Variants in PDE10A observed in about 807,000 individuals in gnomAD.
The protein encoded by PDE10A is phosphodiesterase 10A.
PDE10A carries 39 observed loss-of-function variants against 97.7 expected under a neutral mutation model. The ratio of observed to expected loss-of-function variants is 0.40; its 90% CI spans 0.31 to 0.52. The LOEUF is 0.52. PDE10A is among the 20% of genes least tolerant of loss of function. The pLI is 0.56. For synonymous variants in PDE10A, 371 were observed against 376.8 expected, an observed-to-expected ratio of 0.98 and a Z score of 0.18; for missense variants, 731 against 1,047.8, an observed-to-expected ratio of 0.70 and a Z score of 4.17.
At chr6:165,882,348 A>G (rs1188461662) in intron 1 of PDE10A, among the ~76,000 whole-genome samples, 1 of 152,228 alleles carries the variant, frequency 6.6e-6, no homozygotes, top group Non-Finnish European at 1.5e-5. Flanking sequence ...CTAGCACATC[A>G]TAGCATGATA....
intron 1 of PDE10A, among the ~76,000 whole-genome samples, chr6:165,555,570 G>T (rs1425292694): frequency 6.6e-6 from 1 of 152,108 alleles, no homozygotes; most frequent in Non-Finnish European, 1.5e-5. Context: ...AAAAGACCAT[G>T]CTACTGTTTT....
chr6:165,611,689 T>C (rs773730520), intron 1 of PDE10A, among the ~76,000 whole-genome samples: 26 of 152,332 alleles, frequency 1.7e-4, no homozygotes, highest in African/African-American at 3.1e-4. Context: ...TCAAAACACA[T>C]AGGAAAATCC....
chr6:165,417,898 T>C (rs1486967820), intron 11 of PDE10A, among the ~76,000 whole-genome samples: 1 of 152,188 alleles, frequency 6.6e-6, no homozygotes, highest in African/African-American at 2.4e-5. Flanking sequence ...TTTACGGTGT[T>C]ATACAGAAGA....
chr6:165,548,276 CTTTTTTTTTTTT>C (rs57134252), intron 1 of PDE10A, among the ~76,000 whole-genome samples: 1 of 105,664 alleles, frequency 9.5e-6, no homozygotes, highest in Non-Finnish European at 1.9e-5. Flanking sequence ...CTTTAAATCT[CTTTTTTTTTTTT>C]TTTTTTTTTT....
intron 1 of PDE10A, among the ~76,000 whole-genome samples, chr6:165,603,873 A>G (rs1295655835): frequency 6.6e-6 from 1 of 152,250 alleles, no homozygotes; most frequent in Admixed American, 6.5e-5. Flanking sequence ...ATATGCAACA[A>G]CTGAATACCC....
At chr6:165,640,779 T>C (rs1395462717) in intron 1 of PDE10A, among the ~76,000 whole-genome samples, 1 of 152,234 alleles carries the variant, frequency 6.6e-6, no homozygotes, top group Non-Finnish European at 1.5e-5. Context: ...TATAAATTTG[T>C]TTATAAAATT....
intron 1 of PDE10A, among the ~76,000 whole-genome samples, chr6:165,642,913 T>G (rs1789207570): frequency 6.6e-6 from 1 of 152,354 alleles, no homozygotes; most frequent in Non-Finnish European, 1.5e-5. Context: ...CTCACATTTT[T>G]TTTTTTACGG....
At chr6:165,450,513 C>T (rs745444433) in intron 3 of PDE10A, 151 bp from the exon 4 acceptor site, 10 of 396,788 alleles carry the variant, frequency 2.5e-5, no homozygotes, top group Admixed American at 8.7e-5. Flanking sequence ...ATATTATAAT[C>T]TATTTTATAA....
chr6:165,566,075 A>G (rs1008688488), intron 1 of PDE10A, among the ~76,000 whole-genome samples: 2 of 152,354 alleles, frequency 1.3e-5, no homozygotes, highest in East Asian at 3.9e-4. Context: ...GAAAGAATTG[A>G]TAAGTTGTAC....
At chr6:165,691,106 T>TCCCCCCCCCCCC (rs35264122) in intron 1 of PDE10A, among the ~76,000 whole-genome samples, 2 of 39,130 alleles carry the variant, frequency 5.1e-5, no homozygotes, top group Non-Finnish European at 9.1e-5. Context: ...TCTTTCTCTC[T>TCCCCCCCCCCCC]CCCCCCCCCC....
intron 1 of PDE10A, among the ~76,000 whole-genome samples, chr6:165,831,478 C>CTTTTTTTTTTT (rs200237321): frequency 0.024 from 3,274 of 133,658 alleles, 81 homozygotes; most frequent in Non-Finnish European, 0.036. Flanking sequence ...TTGCAGGAGT[C>CTTTTTTTTTTT]TTTTTTTTTT....
At chr6:165,348,738 G>A (rs1428784435) in intron 18 of PDE10A, among the ~76,000 whole-genome samples, 1 of 152,152 alleles carries the variant, frequency 6.6e-6, no homozygotes, top group Non-Finnish European at 1.5e-5. Context: ...TCCACATGTT[G>A]TGGGAGAGAT....
intron 1 of PDE10A, among the ~76,000 whole-genome samples, chr6:165,608,276 A>G (rs1287771277): frequency 2.6e-5 from 2 of 76,138 alleles, no homozygotes; most frequent in Non-Finnish European, 4.8e-5. Context: ...CCACCCCACA[A>G]CAGGCGCCAG....
intron 13 of PDE10A, among the ~76,000 whole-genome samples, chr6:165,403,219 CTG>C (rs756825143): frequency 5.3e-5 from 8 of 152,228 alleles, no homozygotes; most frequent in Non-Finnish European, 1.2e-4. Context: ...GGTATCAGCA[CTG>C]TGTTGCCACA....
intron 1 of PDE10A, among the ~76,000 whole-genome samples, chr6:165,800,791 C>A (rs975547768): frequency 5.9e-5 from 9 of 152,208 alleles, no homozygotes; most frequent in Non-Finnish European, 1.3e-4. Flanking sequence ...AATAATGATT[C>A]TCCACGTCTG....
rs149819923 is a variant in PDE10A at position 165,333,058 on chromosome 6, G to A, written c.3135C>T (p.Ser1045=). The A allele has an allele frequency of 1.3e-5, 21 of 1,612,616 alleles. No individual in the cohort carries two copies. Among genetic ancestry groups the A allele is most frequent in the South Asian group, 5.5e-5 (5 of 91,062 alleles). ...EETATWISSP[S]VAQKAAASED ...CAGATGCAGCTGCCTTCTGAGCCACGGATGGGGATGAAATCCAGGTTGCAG... is the reference window on the plus strand; with the variant it reads ...CAGATGCAGCTGCCTTCTGAGCCACAGATGGGGATGAAATCCAGGTTGCAG... The change falls in exon 22 of 22, where the codon TCC becomes TCT. Residue 1045 remains serine, a synonymous_variant. Transcript: ENST00000539869.
At chr6:165,761,597 T>C (rs1003574214) in intron 1 of PDE10A, among the ~76,000 whole-genome samples, 3 of 150,800 alleles carry the variant, frequency 2.0e-5, no homozygotes, top group Admixed American at 6.6e-5. Context: ...CACAAATAAA[T>C]ATTGTAAAAA....
intron 1 of PDE10A, among the ~76,000 whole-genome samples, chr6:165,589,878 A>T (rs1365818339): frequency 6.6e-5 from 10 of 152,380 alleles, no homozygotes; most frequent in Middle Eastern, 3.4e-3. Flanking sequence ...AAACAAAAAA[A>T]ATTCAGATAC....
chr6:165,647,283 C>G (rs1259091078), intron 1 of PDE10A, among the ~76,000 whole-genome samples: 1 of 152,200 alleles, frequency 6.6e-6, no homozygotes, highest in African/African-American at 2.4e-5. Context: ...CCAGGCTCAC[C>G]TAAGGCCACT....
Sources: allele counts gnomAD v4.1 joint callset (sites outside exome capture counted in the v4.1 genomes callset), GRCh38; gene constraint gnomAD v4.1.1; transcripts MANE v1.5; gene names NCBI Gene and HGNC (gene_info 2026-07-23, HGNC 2026-07-21).